The following SLC35F4 variants were observed in gnomAD, a reference collection of about 807,000 sequenced individuals.
The protein encoded by SLC35F4 is solute carrier family 35 member F4.
Under a neutral mutation model 44.2 loss-of-function variants are expected in SLC35F4, and 24 were observed. The ratio of observed to expected loss-of-function variants is 0.54; its 90% CI spans 0.39 to 0.76. SLC35F4 has a LOEUF of 0.76. SLC35F4 is among the 30% of genes least tolerant of loss of function. SLC35F4 has a pLI of 0.00. For synonymous variants in SLC35F4, 238 were observed against 223.6 expected (o/e 1.06, Z -0.57); for missense variants, 562 against 586.1 (o/e 0.96, Z 0.42).
At chr14:57,960,362 G>A (rs542383957) in intron 1 of SLC35F4, among the ~76,000 whole-genome samples, 8 of 152,250 alleles carry the variant, frequency 5.3e-5, no homozygotes, top group African/African-American at 1.9e-4. Flanking sequence ...ACATCCATCG[G>A]GAAACTTCTA....
At chr14:57,637,562 G>A (rs1452704011) in intron 1 of SLC35F4, among the ~76,000 whole-genome samples, 5 of 152,112 alleles carry the variant, frequency 3.3e-5, no homozygotes, top group African/African-American at 1.2e-4. Context: ...CCTCTCCGAG[G>A]ATGGTTTAGC....
In SLC35F4 at chr14:57,589,532, T is replaced by G; in HGVS notation, c.290-19A>C. ...TCGTCTGCTGGAAACAGGAAAGGAA[T>G]ACAAATGTGAGGAAAGCAGGTTATG... On this transcript the variant is annotated intron_variant, in intron 2 of 7. Transcript: ENST00000556826. The G allele has an allele frequency of 6.3e-7, 1 of 1,578,610 alleles. No homozygotes were observed. Among genetic ancestry groups the G allele is most frequent in the South Asian group, 1.2e-5 (1 of 84,506 alleles).
chr14:57,594,128 G>C lies in SLC35F4; in HGVS notation c.104-4C>G, dbSNP rs2070356939. The C allele has an allele frequency of 6.2e-7, 1 of 1,612,704 alleles. No homozygotes were observed. Among genetic ancestry groups the C allele is most frequent in the Non-Finnish European group, 8.5e-7 (1 of 1,179,364 alleles). On this transcript the variant is annotated splice_polypyrimidine_tract_variant and splice_region_variant and intron_variant, in intron 1 of 7. Coordinates refer to ENST00000556826, the MANE Select transcript of SLC35F4 (RefSeq NM_001306087.2). ...GTGACTGATGATCTGGAGGTACCTG[G>C]AAAGACAGAGTTCACGCCAGTTTGA... is the stretch of plus-strand genomic sequence containing the variant.
chr14:57,884,291 C>G (rs1487176185), intron 1 of SLC35F4, among the ~76,000 whole-genome samples: 4 of 152,148 alleles, frequency 2.6e-5, no homozygotes, highest in Non-Finnish European at 5.9e-5. Context: ...TATAAGTAAT[C>G]ACCTTTAATT....
At chr14:57,629,836 G>A (rs575613954) in intron 1 of SLC35F4, 30 of 330,080 alleles carry the variant, frequency 9.1e-5, no homozygotes, top group Non-Finnish European at 1.6e-4. Flanking sequence ...GTGGAGGATC[G>A]GCAGCCGGAG....
chr14:57,969,543 A>G (rs1880990726), intron 1 of SLC35F4, among the ~76,000 whole-genome samples: 1 of 152,144 alleles, frequency 6.6e-6, no homozygotes. Flanking sequence ...TCTATTCTCT[A>G]TACATATACA....
intron 1 of SLC35F4, among the ~76,000 whole-genome samples, chr14:57,704,180 T>C (rs2075611859): frequency 6.6e-6 from 1 of 152,236 alleles, no homozygotes; most frequent in Non-Finnish European, 1.5e-5. Flanking sequence ...GTAAGTGTTC[T>C]AACTTCTCAG....
chr14:57,853,471 G>A (rs1886774729), intron 1 of SLC35F4, among the ~76,000 whole-genome samples: 1 of 152,122 alleles, frequency 6.6e-6, no homozygotes, highest in Non-Finnish European at 1.5e-5. Context: ...AGTCAATAGG[G>A]TTACAGGAGA....
chr14:57,920,869 G>C (rs1166044137), intron 1 of SLC35F4, among the ~76,000 whole-genome samples: 1 of 152,184 alleles, frequency 6.6e-6, no homozygotes, highest in Non-Finnish European at 1.5e-5. Flanking sequence ...CATAGCTGAG[G>C]CCTCTAGGAA....
intron 1 of SLC35F4, among the ~76,000 whole-genome samples, chr14:57,809,128 G>C (rs963293922): frequency 6.6e-6 from 1 of 152,158 alleles, no homozygotes; most frequent in African/African-American, 2.4e-5. Flanking sequence ...GTGGTCAGCA[G>C]AAAGCGAATT....
chr14:57,786,360 T>C (rs745633705), intron 1 of SLC35F4, among the ~76,000 whole-genome samples: 7 of 152,110 alleles, frequency 4.6e-5, no homozygotes, highest in Non-Finnish European at 8.8e-5. Flanking sequence ...AAAGGGCATA[T>C]AATCTTGGGA....
chr14:57,685,191 ACT>A lies in SLC35F4; in HGVS notation c.104-91069_104-91068del, dbSNP rs2075032004. On this transcript the variant is annotated intron_variant, in intron 1 of 7. Transcript: ENST00000556826. ...ATAAGGGTAAGCAGTATTATTATTA[ACT>A]CTGTGAATCAGACCTTTAGGCCTCC... Among the ~76,000 whole-genome samples the A allele has an allele frequency of 2.0e-5, 3 of 152,138 alleles. No individual in the cohort carries two copies. The South Asian group carries it at 6.2e-4, about 31-fold the overall frequency.
intron 1 of SLC35F4, among the ~76,000 whole-genome samples, chr14:57,594,724 C>T (rs184410174): frequency 6.6e-6 from 1 of 152,334 alleles, no homozygotes; most frequent in East Asian, 1.9e-4. Flanking sequence ...ACTGGTAAAA[C>T]TGCCAACAGT....
At chr14:57,933,609 C>G (rs1013581969) in intron 1 of SLC35F4, among the ~76,000 whole-genome samples, 17 of 152,198 alleles carry the variant, frequency 1.1e-4, no homozygotes, top group Non-Finnish European at 2.2e-4. Flanking sequence ...GCAGAAGAAT[C>G]CTTTCAGCTC....
intron 1 of SLC35F4, chr14:57,596,127 G>A (rs1566662216): frequency 6.6e-6 from 1 of 152,366 alleles, no homozygotes; most frequent in Non-Finnish European, 1.5e-5. Flanking sequence ...TGGTATGTCT[G>A]TATAAAAATA....
intron 1 of SLC35F4, among the ~76,000 whole-genome samples, chr14:57,770,982 C>T (rs556102768): frequency 6.6e-6 from 1 of 152,286 alleles, no homozygotes; most frequent in Non-Finnish European, 1.5e-5. Flanking sequence ...GTCAAAACTT[C>T]ACTGGCCAAT....
At chr14:57,640,697 C>T (rs138835339) in intron 1 of SLC35F4, among the ~76,000 whole-genome samples, 1 of 151,876 alleles carries the variant, frequency 6.6e-6, no homozygotes, top group Admixed American at 6.6e-5. Flanking sequence ...TCACACAGAG[C>T]CCTGATATAT....
At chr14:57,629,060 G>A (rs1394786743) in intron 1 of SLC35F4, among the ~76,000 whole-genome samples, 3 of 152,096 alleles carry the variant, frequency 2.0e-5, no homozygotes, top group Non-Finnish European at 1.5e-5. Context: ...TCAGAGACAT[G>A]GTCGGAGCTA....
At chr14:57,851,706 T>G (rs1886583302) in intron 1 of SLC35F4, among the ~76,000 whole-genome samples, 2 of 152,188 alleles carry the variant, frequency 1.3e-5, no homozygotes, top group Non-Finnish European at 2.9e-5. Context: ...TACTCTGGAT[T>G]GGGTCTTAGA....
Sources: allele counts gnomAD v4.1 joint callset (sites outside exome capture counted in the v4.1 genomes callset), GRCh38; gene constraint gnomAD v4.1.1; transcripts MANE v1.5; gene names NCBI Gene and HGNC (gene_info 2026-07-23, HGNC 2026-07-21).